Variants in NYAP1 observed in about 807,000 individuals in gnomAD.
NYAP1 encodes the protein neuronal tyrosine phosphorylated phosphoinositide-3-kinase adaptor 1.
Under a neutral mutation model 58.6 loss-of-function variants are expected in NYAP1, and 20 were observed. The ratio of observed to expected loss-of-function variants is 0.34; its 90% CI spans 0.24 to 0.50. The LOEUF (loss-of-function observed/expected upper bound fraction) is 0.50, where lower values mean the gene tolerates loss of function less well. NYAP1 is among the 20% of genes least tolerant of loss of function. The pLI is 0.98. For missense variants in NYAP1, 1,150 were observed against 1,194.5 expected (o/e 0.96, Z 0.55); for synonymous variants, 572 against 523.1 (o/e 1.09, Z -1.27).
Position 100,490,887 on chromosome 7 carries a change from G to A in NYAP1, c.2159-99G>A, listed in dbSNP as rs984961281. The A allele has an allele frequency of 1.9e-6, 2 of 1,074,834 alleles. No individual in the cohort carries two copies. The highest frequency in any genetic ancestry group is 1.3e-6 in the Non-Finnish European group (1 of 749,390). 66.6% of individuals were successfully genotyped at this position (1,074,834 alleles called of 1,614,324 possible). ...TCCACCCCTTTTTCCCTTCTGATGA[G>A]GCAGGGGCAGCCTGGACCATTCAAG... On this transcript the variant is annotated intron_variant, in intron 5 of 6. Transcript: ENST00000300179. The surrounding 1 kb of genome is among the most constrained non-coding windows in gnomAD (Gnocchi z 4.6).
At position 100,490,774 on chromosome 7, in the gene NYAP1, G is replaced by A; in HGVS notation, c.2158+45G>A. 1 of 1,445,892 alleles carries A rather than the reference G, an allele frequency of 6.9e-7. No individual in the cohort carries two copies. Among genetic ancestry groups the A allele is most frequent in the Non-Finnish European group, 9.2e-7 (1 of 1,087,476 alleles). 89.6% of individuals were successfully genotyped at this position (1,445,892 alleles called of 1,614,324 possible). On this transcript the variant is annotated intron_variant, in intron 5 of 6. Transcript: ENST00000300179. This position sits in a 1 kb window ranked among gnomAD's most constrained non-coding sequence, Gnocchi z 4.6. ...CCTGTGCACAGCGGGGCTGGCTGGG[G>A]GATCTCCCGGGGTCTAGCTGCACCT...
rs1799716690 is a variant in NYAP1, at chr7:100,487,208, G to A, written c.430+26G>A. ...GTGAGATACCCCCTATCTCTCCCTGGGGTGGAGCTGGGAGCTGGGAGGATC... is the reference window on the plus strand; with the variant it reads ...GTGAGATACCCCCTATCTCTCCCTGAGGTGGAGCTGGGAGCTGGGAGGATC... On this transcript the variant is annotated intron_variant, in intron 3 of 6. Transcript: ENST00000300179. The surrounding 1 kb of genome is among the most constrained non-coding windows in gnomAD (Gnocchi z 4.1). The A allele has an allele frequency of 1.4e-6, 2 of 1,476,466 alleles. No homozygotes were observed. Among genetic ancestry groups the A allele is most frequent in the East Asian group, 5.0e-5 (2 of 39,730 alleles). The allele number at this position is 1,476,466 out of a possible 1,614,324, so 91.5% of individuals were successfully genotyped here. A position where few individuals can be genotyped will look rare whatever the true frequency, so the allele number is the denominator to read the frequency against.
rs373746202 is a variant in NYAP1, at chr7:100,488,318, G to A, written c.597G>A (p.Gly199=). The A allele has an allele frequency of 2.2e-5, 36 of 1,611,364 alleles. No individual in the cohort carries two copies. Among genetic ancestry groups the A allele is most frequent in the Non-Finnish European group, 3.0e-5 (35 of 1,179,188 alleles). Residue 199 remains glycine, a synonymous_variant, in exon 4 of 7, where the codon GGG becomes GGA. Coordinates refer to ENST00000300179, the MANE Select transcript of NYAP1 (RefSeq NM_173564.4). This position sits in a 1 kb window ranked among gnomAD's most constrained non-coding sequence, Gnocchi z 5.9. ...TGCCTCTTCAGCGCCTCACTAGGGG[G>A]TCCCGAGTAGCTGGGGACCCTGATG... The part of the protein sequence containing the change: ...GNLPLQRLTR[G]SRVAGDPDVG...
At chr7:100,484,360 C>T (rs1433465459) in intron 1 of NYAP1, among the ~76,000 whole-genome samples, 2 of 151,644 alleles carry the variant, frequency 1.3e-5, no homozygotes, top group Non-Finnish European at 2.9e-5. Flanking sequence ...GATTGAGGGG[C>T]GGGGACTGGA....
rs756381530 is a variant in NYAP1, at chr7:100,488,342, T to G, written c.621T>G (p.Asp207Glu). ...TRGSRVAGDP[D>E]VGAQEEPVYI... ...GGTCCCGAGTAGCTGGGGACCCTGATGTGGGTGCCCAGGAAGAGCCTGTGT... is the reference window on the plus strand; with the variant it reads ...GGTCCCGAGTAGCTGGGGACCCTGAGGTGGGTGCCCAGGAAGAGCCTGTGT... The change falls in exon 4 of 7, where the codon GAT becomes GAG. Residue 207 changes from aspartate to glutamate, a missense_variant. Transcript: ENST00000300179. This position sits in a 1 kb window ranked among gnomAD's most constrained non-coding sequence, Gnocchi z 5.9. 6.2e-7 allele frequency: 1 copy of G among 1,606,710 alleles called. No homozygotes were observed. The highest frequency in any genetic ancestry group is 1.1e-5 in the South Asian group (1 of 90,378).
intron 4 of NYAP1, 63 bp downstream of exon 4, chr7:100,489,729 G>T: frequency 8.8e-7 from 1 of 1,135,724 alleles, no homozygotes; most frequent in Non-Finnish European, 1.2e-6. Flanking sequence ...GGATGCCTGC[G>T]ATGGTTTGGG....
At position 100,486,204 on chromosome 7, in the gene NYAP1, C is replaced by T. The variant is rs998850002; in HGVS notation, c.69-617C>T. 1.3e-5 allele frequency among the ~76,000 whole-genome samples: 2 copies of T among 152,158 alleles called. No homozygotes were observed. Among genetic ancestry groups the T allele is most frequent in the Non-Finnish European group, 2.9e-5 (2 of 68,026 alleles). ...CCCTGCCAGCCGCCCCCCCAACCCT[C>T]TGCCACCCTCCACTCAGACAGAAGC... On this transcript the variant is annotated intron_variant, in intron 2 of 6. Transcript: ENST00000300179. This position sits in a 1 kb window ranked among gnomAD's most constrained non-coding sequence, Gnocchi z 6.2.
In NYAP1 at chr7:100,485,556, T is replaced by TG. The variant is rs925548996; in HGVS notation, c.68+184dup. ...TCCTGGCCCAACTCCTGCTCTCCTG[T>TG]GGGGGGGTTTACAGCCTAGGAGCAC... On this transcript the variant is annotated intron_variant, in intron 2 of 6. Coordinates refer to ENST00000300179, the MANE Select transcript of NYAP1 (RefSeq NM_173564.4). The surrounding 1 kb of genome is among the most constrained non-coding windows in gnomAD (Gnocchi z 5.7). 2.2e-4 allele frequency among the ~76,000 whole-genome samples: 34 copies of TG among 152,202 alleles called. No homozygotes were observed. Among genetic ancestry groups the TG allele is most frequent in the Non-Finnish European group, 3.4e-4 (23 of 67,988 alleles).
At position 100,487,990 on chromosome 7, in the gene NYAP1, A is replaced by C. The variant is rs558207313; in HGVS notation, c.431-162A>C. Among the ~76,000 whole-genome samples the C allele has an allele frequency of 5.9e-5, 9 of 152,306 alleles. No individual in the cohort carries two copies. In the East Asian group the frequency reaches 1.5e-3, roughly 26 times the overall value. ...AGACCCATCTCTATTAAAAAATAAA[A>C]AAGAAATGAAGAAACCTCCTGGGGC... On this transcript the variant is annotated intron_variant, in intron 3 of 6. Coordinates refer to ENST00000300179, the MANE Select transcript of NYAP1 (RefSeq NM_173564.4). This position sits in a 1 kb window ranked among gnomAD's most constrained non-coding sequence, Gnocchi z 4.1.
In NYAP1 at chr7:100,486,897, A is replaced by G. The variant is rs1444810700; in HGVS notation, c.145A>G (p.Ile49Val). The change falls in exon 3 of 7, where the codon ATC becomes GTC. Residue 49 changes from isoleucine to valine, a missense_variant. Ile to Val is a conservative substitution (Grantham distance 29). Coordinates refer to ENST00000300179, the MANE Select transcript of NYAP1 (RefSeq NM_173564.4). This position sits in a 1 kb window ranked among gnomAD's most constrained non-coding sequence, Gnocchi z 6.2. ...GQGPGVRVRD[I>V]ASLRRSLRMG... Reference sequence around the variant, plus strand: ...GGGGCCTGGGGTCCGCGTGCGGGACATCGCCTCGCTGCGGCGCTCCCTCAG... The same window carrying G: ...GGGGCCTGGGGTCCGCGTGCGGGACGTCGCCTCGCTGCGGCGCTCCCTCAG... The G allele has an allele frequency of 3.2e-6, 5 of 1,577,264 alleles. No homozygotes were observed. The highest frequency in any genetic ancestry group is 3.4e-6 in the Non-Finnish European group (4 of 1,164,500).
Position 100,489,393 on chromosome 7 carries a change from C to T in NYAP1, c.1672C>T (p.Leu558Phe). Residue 558 changes from leucine (L) to phenylalanine (F), a missense_variant, in exon 4 of 7, where the codon CTC becomes TTC. Transcript: ENST00000300179. ...GACCTACCCAGCCACAGCAGCTGGG[C>T]TCAAGAGACCCCCTGCCTATGAGAG... Reference protein sequence around the residue: ...LWTYPATAAGLKRPPAYESLK... With the variant: ...LWTYPATAAGFKRPPAYESLK... 6.2e-7 allele frequency: 1 copy of T among 1,612,952 alleles called. No individual in the cohort carries two copies. The highest frequency in any genetic ancestry group is 8.5e-7 in the Non-Finnish European group (1 of 1,179,962).
rs1174185001 is a variant in NYAP1 at position 100,493,751 on chromosome 7, G to C, written c.2374G>C (p.Glu792Gln). ...VIERKRCVCK[E>Q]IKARHRPDRG... ...CGAGCGCAAGCGCTGCGTGTGCAAG[G>C]AGATCAAGGCGCGCCACCGCCCGGA... The change falls in exon 7 of 7, where the codon GAG becomes CAG. Residue 792 changes from glutamate to glutamine, a missense_variant. Physicochemically the swap from Glu to Gln is conservative, Grantham distance 29. Coordinates refer to ENST00000300179, the MANE Select transcript of NYAP1 (RefSeq NM_173564.4). 6.2e-7 allele frequency: 1 copy of C among 1,605,668 alleles called. No individual in the cohort carries two copies. The highest frequency in any genetic ancestry group is 1.1e-5 in the South Asian group (1 of 90,556).
intron 6 of NYAP1, among the ~76,000 whole-genome samples, chr7:100,492,933 GAAGA>G (rs1419053348): frequency 6.6e-6 from 1 of 151,402 alleles, no homozygotes; most frequent in African/African-American, 2.4e-5. Context: ...GAGAAAGAAG[GAAGA>G]AAGAGAGAAG....
chr7:100,489,594 G>A lies in NYAP1; in HGVS notation c.1873G>A (p.Ala625Thr), dbSNP rs199625204. Reference sequence around the variant, plus strand: ...GGAGGAAGAAGAGGAGGTGGGCGCCGCGACATTTGGGGCAGGCTGGGCCCT... The same window carrying A: ...GGAGGAAGAAGAGGAGGTGGGCGCCACGACATTTGGGGCAGGCTGGGCCCT... ...PEEEEEEVGA[A>T]TFGAGWALQR... Residue 625 changes from alanine to threonine, a missense_variant, in exon 4 of 7, where the codon GCG becomes ACG. By Grantham distance (58) the Ala-to-Thr change is moderately conservative. Transcript: ENST00000300179. 217 of 1,612,688 alleles carry A rather than the reference G, an allele frequency of 1.3e-4. No homozygotes were observed. Among genetic ancestry groups the A allele is most frequent in the Non-Finnish European group, 1.7e-4 (206 of 1,179,890 alleles).
Position 100,494,039 on chromosome 7 carries a change from C to T in NYAP1, c.*136C>T, listed in dbSNP as rs1260946103. 7.9e-6 allele frequency: 6 copies of T among 760,788 alleles called. No homozygotes were observed. The highest frequency in any genetic ancestry group is 1.2e-5 in the Non-Finnish European group (6 of 513,496). 47.1% of individuals were successfully genotyped at this position (760,788 alleles called of 1,614,324 possible). A position where few individuals can be genotyped will look rare whatever the true frequency, so the allele number is the denominator to read the frequency against. ...GGGAGAACCCCTGCCCTCCAACCTA[C>T]CCCCCGGGATGGGGAGAGTCTGCCA... On this transcript the variant is annotated 3_prime_UTR_variant, in exon 7 of 7. Transcript: ENST00000300179.
chr7:100,486,747 C>T lies in NYAP1; in HGVS notation c.69-74C>T. On this transcript the variant is annotated intron_variant, in intron 2 of 6. Transcript: ENST00000300179. This position sits in a 1 kb window ranked among gnomAD's most constrained non-coding sequence, Gnocchi z 6.2. ...CTGGGAAGCCACAGGGTTGCTGACA[C>T]CTCTTGGGGTGGAGAAGGGGGATGC... 7.1e-7 allele frequency: 1 copy of T among 1,400,460 alleles called. No individual in the cohort carries two copies. The highest frequency in any genetic ancestry group is 1.6e-5 in the South Asian group (1 of 62,820). The allele number at this position is 1,400,460 out of a possible 1,614,324, so 86.8% of individuals were successfully genotyped here.
Position 100,489,209 on chromosome 7 carries a change from T to C in NYAP1, c.1488T>C (p.His496=), listed in dbSNP as rs145201652. ...PKTEKEISVL[H]GMLCTSSRPP... ...CGGAGAAGGAGATCTCGGTCCTCCATGGGATGCTGTGTACCAGCTCAAGGC... is the reference window on the plus strand; with the variant it reads ...CGGAGAAGGAGATCTCGGTCCTCCACGGGATGCTGTGTACCAGCTCAAGGC... Residue 496 remains histidine, a synonymous_variant, in exon 4 of 7, where the codon CAT becomes CAC. Transcript: ENST00000300179. 5.0e-5 allele frequency: 81 copies of C among 1,609,986 alleles called. No homozygotes were observed. Among genetic ancestry groups the C allele is most frequent in the African/African-American group, 3.9e-4 (29 of 74,982 alleles).
At position 100,488,008 on chromosome 7, in the gene NYAP1, C is replaced by T. The variant is rs577163869; in HGVS notation, c.431-144C>T. ...AAATAAAAAAGAAATGAAGAAACCT[C>T]CTGGGGCTGTAAGTTGAGGAATGTG... On this transcript the variant is annotated intron_variant, in intron 3 of 6. Transcript: ENST00000300179. This position sits in a 1 kb window ranked among gnomAD's most constrained non-coding sequence, Gnocchi z 5.9. 2.1e-5 allele frequency: 13 copies of T among 614,942 alleles called. No individual in the cohort carries two copies. In the South Asian group the frequency reaches 3.1e-4, roughly 15 times the overall value. 38.1% of individuals were successfully genotyped at this position (614,942 alleles called of 1,614,324 possible). A position where few individuals can be genotyped will look rare whatever the true frequency, so the allele number is the denominator to read the frequency against.
In NYAP1 at chr7:100,491,014, C is replaced by T. The variant is rs1349498327; in HGVS notation, c.2187C>T (p.Arg729=). Residue 729 remains arginine, a synonymous_variant, in exon 6 of 7, where the codon CGC becomes CGT. Coordinates refer to ENST00000300179, the MANE Select transcript of NYAP1 (RefSeq NM_173564.4). ...TCACGGGAGGCTACCGCCTGGGGCG[C>T]TCCGCCTCCACCTCCGGAGTCCGGC... is the stretch of plus-strand genomic sequence containing the variant. ...GDFTGGYRLG[R]SASTSGVRQV... is the part of the protein sequence containing the mutation. 3.2e-6 allele frequency: 5 copies of T among 1,555,708 alleles called. No individual in the cohort carries two copies. Among genetic ancestry groups the T allele is most frequent in the Admixed American group, 1.9e-5 (1 of 51,632 alleles).
Sources: allele counts gnomAD v4.1 joint callset (sites outside exome capture counted in the v4.1 genomes callset), GRCh38; gene constraint gnomAD v4.1.1; non-coding constraint Gnocchi (gnomAD v3.1); transcripts MANE v1.5; gene names NCBI Gene and HGNC (gene_info 2026-07-23, HGNC 2026-07-21).